The following TMEM108 variants were observed in gnomAD, a reference collection of about 807,000 sequenced individuals.
TMEM108 encodes the protein cancer/testis antigen 124.
TMEM108 carries 12 observed loss-of-function variants against 35.1 expected under a neutral mutation model. That is an observed-to-expected ratio of 0.34 (90% CI 0.22 to 0.55). The LOEUF (loss-of-function observed/expected upper bound fraction) is 0.55. Among genes scored for constraint, TMEM108 ranks in the 20% least tolerant of loss-of-function variants. The pLI is 0.89. For missense variants in TMEM108, 680 were observed against 753.3 expected (o/e 0.90, Z 1.14); for synonymous variants, 287 against 308.6 (o/e 0.93, Z 0.73).
chr3:133,331,275 C>T (rs73207719), intron 3 of TMEM108, among the ~76,000 whole-genome samples: 6,689 of 152,140 alleles, frequency 0.044, 190 homozygotes, highest in Non-Finnish European at 0.065. Flanking sequence ...GGTTTGGAGA[C>T]GCTCACTGTC....
intron 2 of TMEM108, among the ~76,000 whole-genome samples, chr3:133,055,931 CATT>C (rs1943460554): frequency 6.6e-6 from 1 of 152,130 alleles, no homozygotes; most frequent in South Asian, 2.1e-4. Context: ...AAATGTTAGA[CATT>C]ATTTAGAGAC....
intron 3 of TMEM108, among the ~76,000 whole-genome samples, chr3:133,291,258 G>A (rs890235311): frequency 6.7e-6 from 1 of 148,334 alleles, no homozygotes; most frequent in Non-Finnish European, 1.5e-5. Context: ...CCACCGTGGA[G>A]TTTTTTTTTT....
chr3:133,219,612 ATGT>A (rs1286002635), intron 2 of TMEM108, among the ~76,000 whole-genome samples: 7 of 152,162 alleles, frequency 4.6e-5, no homozygotes, highest in Admixed American at 2.0e-4. Context: ...GCTCAGGGGC[ATGT>A]TGTTTAATTT....
At chr3:133,315,270 A>G (rs2071183046) in intron 3 of TMEM108, among the ~76,000 whole-genome samples, 1 of 152,236 alleles carries the variant, frequency 6.6e-6, no homozygotes, top group Non-Finnish European at 1.5e-5. Flanking sequence ...TCACATAGCA[A>G]TTGATAGGTG....
intron 2 of TMEM108, among the ~76,000 whole-genome samples, chr3:133,177,892 A>G (rs1945261990): frequency 6.6e-6 from 1 of 152,214 alleles, no homozygotes; most frequent in African/African-American, 2.4e-5. Context: ...TGCAGATGAC[A>G]TGATTGTATA....
At chr3:133,285,631 A>C (rs2107691365) in intron 3 of TMEM108, among the ~76,000 whole-genome samples, 1 of 152,184 alleles carries the variant, frequency 6.6e-6, no homozygotes, top group Middle Eastern at 3.4e-3. Flanking sequence ...GCAATGGCAC[A>C]TTTTTTTACT....
chr3:133,362,285 T>G (rs1410684409), intron 3 of TMEM108, among the ~76,000 whole-genome samples: 1 of 152,144 alleles, frequency 6.6e-6, no homozygotes, highest in Non-Finnish European at 1.5e-5. Flanking sequence ...AGGAAACTGG[T>G]TGTGGGTGGG....
rs924040878 is a variant in TMEM108 at position 133,171,795 on chromosome 3, C to G, written c.-46-57471C>G. On this transcript the variant is annotated intron_variant, in intron 2 of 5. Coordinates refer to ENST00000321871, the MANE Select transcript of TMEM108 (RefSeq NM_023943.4). Reference sequence around the variant, plus strand: ...GTTATGAGAGGACTCCATTAAGTTACACATTTTTTGAAAAAACCTAACTCT... The same window carrying G: ...GTTATGAGAGGACTCCATTAAGTTAGACATTTTTTGAAAAAACCTAACTCT... Among the ~76,000 whole-genome samples, 4 of 152,170 alleles carry G rather than the reference C, an allele frequency of 2.6e-5. No homozygotes were observed. The East Asian group carries it at 5.8e-4, about 22-fold the overall frequency.
At chr3:133,336,129 AG>A (rs2071495250) in intron 3 of TMEM108, among the ~76,000 whole-genome samples, 1 of 152,160 alleles carries the variant, frequency 6.6e-6, no homozygotes, top group African/African-American at 2.4e-5. Flanking sequence ...AAGGCAGTCT[AG>A]GTCACAAAGA....
chr3:133,307,640 A>G (rs539373060), intron 3 of TMEM108, among the ~76,000 whole-genome samples: 21 of 152,242 alleles, frequency 1.4e-4, no homozygotes, highest in African/African-American at 4.8e-4. Context: ...TCCTTTCCCC[A>G]TTTCTTGTTT....
At chr3:133,153,461 A>C (rs1944831423) in intron 2 of TMEM108, among the ~76,000 whole-genome samples, 1 of 152,198 alleles carries the variant, frequency 6.6e-6, no homozygotes, top group Non-Finnish European at 1.5e-5. Flanking sequence ...TACTGTTATT[A>C]TCCCACTTTT....
intron 3 of TMEM108, among the ~76,000 whole-genome samples, chr3:133,264,252 C>G (rs2107677473): frequency 6.6e-6 from 1 of 152,136 alleles, no homozygotes; most frequent in Admixed American, 6.5e-5. Flanking sequence ...CTGCAGTGAA[C>G]TATAATTGTG....
chr3:133,385,947 C>T (rs1449347585), intron 4 of TMEM108, among the ~76,000 whole-genome samples: 4 of 152,198 alleles, frequency 2.6e-5, no homozygotes, highest in Non-Finnish European at 5.9e-5. Flanking sequence ...CAGGAAGGAA[C>T]TGAAGTAGGC....
chr3:133,333,327 T>G (rs1047172512), intron 3 of TMEM108, among the ~76,000 whole-genome samples: 3 of 152,104 alleles, frequency 2.0e-5, no homozygotes, highest in African/African-American at 7.2e-5. Flanking sequence ...GACTACTTTT[T>G]TCACCTTCTT....
intron 3 of TMEM108, among the ~76,000 whole-genome samples, chr3:133,373,023 T>C (rs1249114328): frequency 6.6e-6 from 1 of 152,160 alleles, no homozygotes; most frequent in East Asian, 1.9e-4. Context: ...AAAGGAATCA[T>C]TGGAGTTCAG....
At chr3:133,042,562 AAAT>A (rs1208221592) in intron 1 of TMEM108, among the ~76,000 whole-genome samples, 1 of 152,242 alleles carries the variant, frequency 6.6e-6, no homozygotes, top group Non-Finnish European at 1.5e-5. Context: ...TGAAGACTAA[AAAT>A]TATTTATAAA....
At chr3:133,160,772 C>A (rs1447194354) in intron 2 of TMEM108, among the ~76,000 whole-genome samples, 3 of 152,202 alleles carry the variant, frequency 2.0e-5, no homozygotes, top group African/African-American at 7.2e-5. Flanking sequence ...TGCTCCACTT[C>A]TTATGTATCT....
At chr3:133,386,153 C>A (rs2073143653) in intron 4 of TMEM108, among the ~76,000 whole-genome samples, 2 of 152,200 alleles carry the variant, frequency 1.3e-5, no homozygotes, top group African/African-American at 4.8e-5. Context: ...CTGTCATGGT[C>A]AATCATGGCT....
At chr3:133,218,922 C>T (rs1013736472) in intron 2 of TMEM108, among the ~76,000 whole-genome samples, 2 of 151,906 alleles carry the variant, frequency 1.3e-5, no homozygotes, top group Admixed American at 1.3e-4. Context: ...ATTCCCTCTT[C>T]TTAAGTTTTT....
Sources: allele counts gnomAD v4.1 joint callset (sites outside exome capture counted in the v4.1 genomes callset), GRCh38; gene constraint gnomAD v4.1.1; transcripts MANE v1.5; gene names NCBI Gene and HGNC (gene_info 2026-07-23, HGNC 2026-07-21).